MCHR2: variants seen among roughly 807,000 people sequenced by gnomAD.
MCHR2 encodes melanin concentrating hormone receptor 2.
MCHR2 carries 15 observed loss-of-function variants against 24.8 expected under a neutral mutation model. That is an observed-to-expected ratio of 0.60 (90% CI 0.40 to 0.93). MCHR2 has a LOEUF of 0.93. MCHR2 is among the 40% of genes least tolerant of loss of function. MCHR2 has a pLI of 0.00. For missense variants in MCHR2, 386 were observed against 408.7 expected (o/e 0.94, Z 0.48); for synonymous variants, 151 against 147.6 (o/e 1.02, Z -0.17).
At chr6:99,976,124 T>G (rs1036200124) in intron 1 of MCHR2, among the ~76,000 whole-genome samples, 1 of 152,168 alleles carries the variant, frequency 6.6e-6, no homozygotes, top group African/African-American at 2.4e-5. Context: ...CATTACAAAT[T>G]TTAAAAAGTT....
chr6:99,972,555 A>G (rs1194380627), intron 1 of MCHR2, among the ~76,000 whole-genome samples: 2 of 151,902 alleles, frequency 1.3e-5, no homozygotes, highest in Admixed American at 6.6e-5. Context: ...TTGGGTCTCT[A>G]TTTCCTTCAG....
At position 99,918,599 on chromosome 6, in the gene MCHR2, C is replaced by T. The variant is rs889319632; in HGVS notation, c.*2341G>A. On this transcript the variant is annotated 3_prime_UTR_variant, in exon 6 of 6. Transcript: ENST00000281806. ...ATTGAATAAGAATAGAATAAGGATACGATTATTATTTGACTGAGTGACAAA... is the reference window on the plus strand; with the variant it reads ...ATTGAATAAGAATAGAATAAGGATATGATTATTATTTGACTGAGTGACAAA... Among the ~76,000 whole-genome samples, 28 of 151,976 alleles carry T rather than the reference C, an allele frequency of 1.8e-4. No individual in the cohort carries two copies. The highest frequency in any genetic ancestry group is 2.5e-4 in the Non-Finnish European group (17 of 67,976).
chr6:99,991,612 C>A (rs756584591), intron 1 of MCHR2, among the ~76,000 whole-genome samples: 5 of 152,010 alleles, frequency 3.3e-5, no homozygotes, highest in Non-Finnish European at 7.4e-5. Flanking sequence ...TCGAGACCAT[C>A]CTGAGCAACA....
chr6:99,926,886 G>A (rs1396372135), intron 5 of MCHR2, among the ~76,000 whole-genome samples: 1 of 152,154 alleles, frequency 6.6e-6, no homozygotes, highest in Non-Finnish European at 1.5e-5. Context: ...ATTGCTTTTG[G>A]TGTTTTAGAC....
At chr6:99,973,163 T>C (rs992256441) in intron 1 of MCHR2, among the ~76,000 whole-genome samples, 11 of 151,770 alleles carry the variant, frequency 7.2e-5, no homozygotes, top group African/African-American at 2.2e-4. Context: ...GACAGTGGGG[T>C]GTTAAAGTCT....
At chr6:99,930,128 G>T (rs1370199184) in intron 5 of MCHR2, among the ~76,000 whole-genome samples, 3 of 151,710 alleles carry the variant, frequency 2.0e-5, no homozygotes, top group Non-Finnish European at 2.9e-5. Context: ...GAAATTCTGG[G>T]TTGAAAATTC....
chr6:99,952,462 T>A (rs1014509590), intron 2 of MCHR2, among the ~76,000 whole-genome samples: 2 of 152,184 alleles, frequency 1.3e-5, no homozygotes, highest in African/African-American at 4.8e-5. Context: ...TGACTTTTAG[T>A]TCTATTGATG....
rs548275830 is a variant in MCHR2 at position 99,972,489 on chromosome 6, T to C, written c.-27-16315A>G. Among the ~76,000 whole-genome samples the C allele has an allele frequency of 6.3e-4, 96 of 152,302 alleles. No individual in the cohort carries two copies. The South Asian group carries it at 0.02, about 32-fold the overall frequency. ...TAGTCTTGCTAGCAGTCTATCAATT[T>C]TGTTGATCCTTTCAAAAAACCAGCT... On this transcript the variant is annotated intron_variant, in intron 1 of 5. Transcript: ENST00000281806.
chr6:99,965,302 T>G (rs1312924327), intron 1 of MCHR2, among the ~76,000 whole-genome samples: 1 of 152,218 alleles, frequency 6.6e-6, no homozygotes, highest in Non-Finnish European at 1.5e-5. Context: ...TTATTTCAAA[T>G]TTTAAAAATC....
intron 1 of MCHR2, among the ~76,000 whole-genome samples, chr6:99,986,408 G>A (rs912082782): frequency 1.4e-4 from 21 of 152,128 alleles, no homozygotes; most frequent in African/African-American, 5.1e-4. Flanking sequence ...GCAAAGTCAT[G>A]CAGTCAACCT....
At chr6:99,966,453 C>T (rs539846885) in intron 1 of MCHR2, among the ~76,000 whole-genome samples, 4 of 152,034 alleles carry the variant, frequency 2.6e-5, no homozygotes, top group Non-Finnish European at 4.4e-5. Flanking sequence ...GGAAACTCAC[C>T]AAATCAAATA....
chr6:99,983,772 C>T (rs528412537), intron 1 of MCHR2, among the ~76,000 whole-genome samples: 23 of 152,256 alleles, frequency 1.5e-4, no homozygotes, highest in African/African-American at 4.8e-4. Flanking sequence ...GATACACCTT[C>T]GCCTATATTT....
At chr6:99,984,696 A>G (rs1562136766) in intron 1 of MCHR2, among the ~76,000 whole-genome samples, 1 of 152,090 alleles carries the variant, frequency 6.6e-6, no homozygotes, top group East Asian at 1.9e-4. Context: ...TGAAGGTTAC[A>G]TATGTCAAAC....
intron 1 of MCHR2, among the ~76,000 whole-genome samples, chr6:99,969,349 C>A (rs1429278017): frequency 6.6e-6 from 1 of 151,242 alleles, no homozygotes; most frequent in Non-Finnish European, 1.5e-5. Flanking sequence ...TGGCAGGTGT[C>A]TGTAATCCCA....
intron 1 of MCHR2, among the ~76,000 whole-genome samples, chr6:99,961,770 G>A (rs1193577703): frequency 6.6e-6 from 1 of 152,002 alleles, no homozygotes; most frequent in Non-Finnish European, 1.5e-5. Flanking sequence ...TCAAGTTGAT[G>A]GGTGCAGCAA....
At chr6:99,965,422 T>C (rs1256856211) in intron 1 of MCHR2, among the ~76,000 whole-genome samples, 2 of 152,206 alleles carry the variant, frequency 1.3e-5, no homozygotes, top group Admixed American at 6.5e-5. Flanking sequence ...CAGATAAATA[T>C]GACTGACTGG....
chr6:99,985,387 G>A (rs1435836858), intron 1 of MCHR2, among the ~76,000 whole-genome samples: 1 of 151,948 alleles, frequency 6.6e-6, no homozygotes, highest in Non-Finnish European at 1.5e-5. Flanking sequence ...CTAAACAAAA[G>A]AGAATAAATC....
chr6:99,934,554 A>T (rs745805356), intron 4 of MCHR2, 37 bp from the exon 5 acceptor site: 9 of 1,510,140 alleles, frequency 6.0e-6, no homozygotes, highest in Non-Finnish European at 7.9e-6. Context: ...GAGAGAAAGA[A>T]CAACACCATT....
chr6:99,921,070 C>T lies in MCHR2; in HGVS notation c.893G>A (p.Ser298Asn), dbSNP rs775050901. 4.3e-6 allele frequency: 7 copies of T among 1,614,184 alleles called. No homozygotes were observed. The highest frequency in any genetic ancestry group is 5.9e-6 in the Non-Finnish European group (7 of 1,180,022). ...GTAGAGAAAAGGGTTAATGCTGCTG[C>T]TGGCATAGCTGAGACAGATGGAGAG... ...YYLSICLSYA[S>N]SSINPFLYIL... is the part of the protein sequence containing the mutation. The change falls in exon 6 of 6, where the codon AGC becomes AAC. Residue 298 changes from serine (S) to asparagine (N), a missense_variant. By Grantham distance (46) the Ser-to-Asn change is conservative. Transcript: ENST00000281806.
Sources: gnomAD v4.1 joint callset for allele counts (sites outside exome capture counted in the v4.1 genomes callset) on GRCh38, gnomAD v4.1.1 for gene constraint, MANE v1.5 for transcripts, NCBI Gene and HGNC (gene_info 2026-07-23, HGNC 2026-07-21) for gene names.